NBPF12: variants seen among roughly 807,000 people sequenced by gnomAD.
NBPF12 encodes the protein NBPF member 12.
NBPF12 carries 115 observed loss-of-function variants against 146.4 expected under a neutral mutation model. That is an observed-to-expected ratio of 0.79 (90% CI 0.68 to 0.92). The LOEUF (loss-of-function observed/expected upper bound fraction) is 0.92. NBPF12 is among the 40% of genes least tolerant of loss of function. The pLI, the probability that NBPF12 is intolerant of heterozygous loss-of-function variation, is 0.00. For synonymous variants in NBPF12, 385 were observed against 508.9 expected, an observed-to-expected ratio of 0.76 and a Z score of 3.28; for missense variants, 1,205 against 1,326.8, an observed-to-expected ratio of 0.91 and a Z score of 1.43.
At chr1:146,974,330 A>G (rs1472029722) in intron 14 of NBPF12, among the ~76,000 whole-genome samples, 1 of 141,492 alleles carries the variant, frequency 7.1e-6, no homozygotes, top group Non-Finnish European at 1.5e-5. Flanking sequence ...AGTAAAAGGG[A>G]AACCATCAGT....
chr1:146,975,395 T>C (rs1656924018), intron 15 of NBPF12, among the ~76,000 whole-genome samples: 1 of 148,906 alleles, frequency 6.7e-6, no homozygotes, highest in African/African-American at 2.6e-5. Flanking sequence ...ACTGAAAGGA[T>C]GTCTTTTTGA....
At chr1:146,975,015 T>G (rs1295183314) in intron 15 of NBPF12, among the ~76,000 whole-genome samples, 174 bp downstream of exon 18, 1 of 113,372 alleles carries the variant, frequency 8.8e-6, no homozygotes, top group South Asian at 2.8e-4. Context: ...AATAAAAATT[T>G]ATGGGTTGCA....
intron 7 of NBPF12, among the ~76,000 whole-genome samples, 197 bp downstream of exon 10, chr1:146,964,626 A>T (rs1227041120): frequency 6.6e-6 from 1 of 151,934 alleles, no homozygotes; most frequent in Non-Finnish European, 1.5e-5. Context: ...TGTCTGTACC[A>T]TACAGGGATA....
At chr1:146,980,702 G>C (rs1319016526) in intron 19 of NBPF12, among the ~76,000 whole-genome samples, 4 of 151,434 alleles carry the variant, frequency 2.6e-5, no homozygotes, top group Non-Finnish European at 5.9e-5. Flanking sequence ...CTAGTTCAAC[G>C]ATTGTGGAAG....
At chr1:146,946,512 CTTTTTTT>C (rs3071268), upstream of NBPF12, among the ~76,000 whole-genome samples, 6 of 40,998 alleles carry the variant, frequency 1.5e-4, no homozygotes, top group African/African-American at 3.0e-4. Flanking sequence ...GATCTTTCAC[CTTTTTTT>C]TTTTTTTTTT....
chr1:146,973,663 C>G (rs1656803697), intron 14 of NBPF12, among the ~76,000 whole-genome samples: 1 of 148,886 alleles, frequency 6.7e-6, no homozygotes, highest in Admixed American at 6.7e-5. Flanking sequence ...TGGCAGGTGA[C>G]TGTAATCACC....
upstream of NBPF12, among the ~76,000 whole-genome samples, chr1:146,949,089 G>A (rs1347894178): frequency 5.3e-5 from 8 of 152,244 alleles, no homozygotes; most frequent in Middle Eastern, 3.4e-3. Context: ...CTCCGGAAAC[G>A]CCCGATAATG....
exon 6 of NBPF12, chr1:146,963,258 C>T: frequency 6.2e-7 from 1 of 1,611,958 alleles, no homozygotes; most frequent in Non-Finnish European, 8.5e-7. Context: ...CCAAGAACAG[C>T]TGGCTGAGGG....
chr1:146,958,174 C>T (rs1253392402), intron 2 of NBPF12, among the ~76,000 whole-genome samples: 1 of 115,658 alleles, frequency 8.6e-6, no homozygotes, highest in Non-Finnish European at 1.9e-5. Context: ...GTGTGATGTT[C>T]CCCGCCCTGT....
chr1:146,940,540 A>G (rs1461524230), intron 1 of NBPF12, among the ~76,000 whole-genome samples: 1 of 137,792 alleles, frequency 7.3e-6, no homozygotes, highest in African/African-American at 2.7e-5. Flanking sequence ...TGGATGGCAG[A>G]GTGCAACCCT....
intron 18 of NBPF12, among the ~76,000 whole-genome samples, chr1:146,978,693 G>T (rs1189695716): frequency 6.8e-6 from 1 of 148,036 alleles, no homozygotes; most frequent in Non-Finnish European, 1.5e-5. Context: ...ATTTTTTTGG[G>T]GAAAAAATTT....
chr1:146,949,083 G>A (rs1192083136), upstream of NBPF12, among the ~76,000 whole-genome samples: 7 of 148,996 alleles, frequency 4.7e-5, no homozygotes, highest in East Asian at 2.0e-4. Flanking sequence ...CCCCCTCTCC[G>A]GAAACGCCCG....
At chr1:146,965,309 G>A (rs1362340238) in intron 8 of NBPF12, among the ~76,000 whole-genome samples, 1 of 151,234 alleles carries the variant, frequency 6.6e-6, no homozygotes, top group Admixed American at 6.6e-5. Flanking sequence ...AGACCAGCCT[G>A]GAGTATATGG....
At chr1:146,980,523 C>G (rs1380381420) in intron 19 of NBPF12, among the ~76,000 whole-genome samples, 3 of 151,716 alleles carry the variant, frequency 2.0e-5, no homozygotes, top group South Asian at 2.1e-4. Context: ...GTGACAAAAT[C>G]TCTCAGCATT....
chr1:146,969,513 A>G, exon 11 of NBPF12: 3 of 1,272,470 alleles, frequency 2.4e-6, no homozygotes. Context: ...GATGAGCCGG[A>G]CAAGTCCCAG....
chr1:146,960,711 T>G (rs1655794110), intron 4 of NBPF12, among the ~76,000 whole-genome samples: 2 of 152,126 alleles, frequency 1.3e-5, no homozygotes, highest in South Asian at 4.2e-4. Context: ...AGTTCAAGTT[T>G]CTGTTGAGGC....
At chr1:146,945,088 C>T (rs1654988498), upstream of NBPF12, among the ~76,000 whole-genome samples, 1 of 141,894 alleles carries the variant, frequency 7.0e-6, no homozygotes, top group African/African-American at 2.7e-5. Context: ...CCCTCCCTTC[C>T]TCCCTCCTTC....
chr1:146,961,909 C>T (rs1441853909), intron 4 of NBPF12, among the ~76,000 whole-genome samples: 5 of 152,096 alleles, frequency 3.3e-5, no homozygotes, highest in Admixed American at 1.3e-4. Context: ...GACTCCACTT[C>T]GTGGTGGTTG....
chr1:146,981,218 A>G (rs1657353901), intron 19 of NBPF12, among the ~76,000 whole-genome samples: 1 of 139,818 alleles, frequency 7.2e-6, no homozygotes, highest in African/African-American at 2.6e-5. Context: ...CAATGTGGAC[A>G]TGTATACATA....
Sources: allele counts gnomAD v4.1 joint callset (sites outside exome capture counted in the v4.1 genomes callset), GRCh38; gene constraint gnomAD v4.1.1; transcripts MANE v1.5; gene names NCBI Gene and HGNC (gene_info 2026-07-23, HGNC 2026-07-21).